The following DMD variants were observed in gnomAD, a reference collection of about 807,000 sequenced individuals.
DMD encodes the protein dystrophin.
A neutral mutation model predicts 330.1 loss-of-function variants in DMD; 63 were observed. The observed-to-expected ratio is 0.19, with a 90% CI of 0.16 to 0.24. The LOEUF (loss-of-function observed/expected upper bound fraction) is 0.24. Ranked by LOEUF, DMD falls within the 10% of genes least tolerant of loss-of-function variation. DMD has a pLI of 1.00. For missense variants in DMD, 3,344 were observed against 2,684.1 expected (o/e 1.25, Z -5.43); for synonymous variants, 1,223 against 959.8 (o/e 1.27, Z -5.07).
intron 2 of DMD, among the ~76,000 whole-genome samples, chrX:32,963,992 C>T (rs5972722): frequency 0.049 from 5,387 of 110,732 alleles, 87 homozygotes; most frequent in Middle Eastern, 0.08. Flanking sequence ...CGGTGGCTCA[C>T]GCCTGTAATC....
chrX:31,885,364 C>A, intron 47 of DMD, among the ~76,000 whole-genome samples: 2 of 110,995 alleles, frequency 1.8e-5, no homozygotes, highest in Admixed American at 1.9e-4. Context: ...AATCCCAGCA[C>A]TTTGGGGAGG....
intron 7 of DMD, among the ~76,000 whole-genome samples, chrX:32,718,833 G>A (rs892179652): frequency 3.5e-4 from 39 of 111,665 alleles, no homozygotes; most frequent in African/African-American, 1.2e-3. Context: ...AAAATATATG[G>A]CAAATGTGGA....
At chrX:32,268,631 G>A (rs2097353540) in intron 43 of DMD, among the ~76,000 whole-genome samples, 1 of 111,326 alleles carries the variant, frequency 9.0e-6, no homozygotes, top group Admixed American at 9.5e-5. Context: ...CCTTGTCTCA[G>A]GATTTGCTTA....
intron 2 of DMD, among the ~76,000 whole-genome samples, chrX:32,983,598 G>A (rs1195088757): frequency 9.8e-6 from 1 of 102,439 alleles, no homozygotes; most frequent in African/African-American, 3.5e-5. Context: ...GAGAGAAACT[G>A]AATAAAATTG....
intron 15 of DMD, among the ~76,000 whole-genome samples, chrX:32,566,138 T>A (rs2051686421): frequency 8.9e-6 from 1 of 112,195 alleles, no homozygotes; most frequent in Non-Finnish European, 1.9e-5. Flanking sequence ...AATTAAGAGC[T>A]ACCTTGAAAT....
intron 29 of DMD, among the ~76,000 whole-genome samples, chrX:32,429,503 C>G (rs1228798640): frequency 9.7e-6 from 1 of 103,250 alleles, no homozygotes; most frequent in Non-Finnish European, 2.0e-5. Flanking sequence ...CATGAGCTAC[C>G]ACGCCCGGCC....
intron 1 of DMD, among the ~76,000 whole-genome samples, chrX:33,070,351 C>T (rs764999709): frequency 9.1e-6 from 1 of 110,366 alleles, no homozygotes; most frequent in Non-Finnish European, 1.9e-5. Flanking sequence ...ATGACTTCCC[C>T]TCTGGCATTC....
At chrX:33,132,219 G>A (rs2095503555) in intron 1 of DMD, among the ~76,000 whole-genome samples, 1 of 111,985 alleles carries the variant, frequency 8.9e-6, no homozygotes, top group African/African-American at 3.3e-5. Context: ...TGTAACTAAT[G>A]GGGTCAAAAT....
intron 44 of DMD, chrX:32,206,222 T>C (rs1204465627): frequency 3.9e-6 from 2 of 512,114 alleles, no homozygotes; most frequent in Non-Finnish European, 7.1e-6. Context: ...TGCATGTGAG[T>C]GGACAGCATT....
intron 7 of DMD, among the ~76,000 whole-genome samples, chrX:32,776,255 T>A (rs2074129197): frequency 9.6e-6 from 1 of 104,216 alleles, no homozygotes; most frequent in Non-Finnish European, 2.0e-5. Context: ...AATTCCAAAC[T>A]CTCCCTCATC....
intron 44 of DMD, among the ~76,000 whole-genome samples, chrX:32,088,769 A>C (rs2096457112): frequency 9.1e-6 from 1 of 110,334 alleles, no homozygotes; most frequent in Non-Finnish European, 1.9e-5. Flanking sequence ...ATGCACAATC[A>C]CTACAAAAGT....
intron 7 of DMD, among the ~76,000 whole-genome samples, chrX:32,732,454 T>C (rs1259013859): frequency 9.1e-6 from 1 of 109,886 alleles, no homozygotes; most frequent in African/African-American, 3.3e-5. Context: ...CCAAGACACA[T>C]AATTGTCAGA....
intron 50 of DMD, among the ~76,000 whole-genome samples, chrX:31,813,119 G>A (rs2149395043): frequency 8.9e-6 from 1 of 111,754 alleles, no homozygotes; most frequent in African/African-American, 3.2e-5. Context: ...GGAGATGTGG[G>A]GTTGGGTCCA....
chrX:31,153,576 A>C (rs2037723705), intron 74 of DMD, among the ~76,000 whole-genome samples: 1 of 111,707 alleles, frequency 9.0e-6, no homozygotes. Flanking sequence ...CCACTGGATA[A>C]ATGGTAGGAG....
At chrX:31,937,098 T>G (rs1175252987) in intron 45 of DMD, among the ~76,000 whole-genome samples, 1 of 111,748 alleles carries the variant, frequency 8.9e-6, no homozygotes, top group Non-Finnish European at 1.9e-5. Context: ...TGAAAATTTT[T>G]AAATGGGATT....
intron 1 of DMD, among the ~76,000 whole-genome samples, chrX:33,302,138 C>A (rs2053674315): frequency 1.8e-5 from 2 of 110,961 alleles, no homozygotes; most frequent in Admixed American, 1.9e-4. Flanking sequence ...ACAGATATGC[C>A]AAGATTTGTT....
Position 33,157,547 on chromosome X carries a change from C to A in DMD, c.31+53735G>T, listed in dbSNP as rs1453776584. Among the ~76,000 whole-genome samples, 3 of 112,470 alleles carry A rather than the reference C, an allele frequency of 2.7e-5. No individual in the cohort carries two copies. The Admixed American group carries it at 2.8e-4, about 11-fold the overall frequency. ...CCAGTGCACGTGATAACACAATCCT[C>A]AATGAACTGACTGCTGTCAATCTCT... is the stretch of plus-strand genomic sequence containing the variant. On this transcript the variant is annotated intron_variant, in intron 1 of 78. Transcript: ENST00000357033.
chrX:31,170,376 C>A (rs1191440125), intron 73 of DMD, among the ~76,000 whole-genome samples: 1 of 110,824 alleles, frequency 9.0e-6, no homozygotes, highest in Non-Finnish European at 1.9e-5. Context: ...GAGGCAGCTA[C>A]AATCTTTCCT....
chrX:32,966,017 A>C (rs1354267792), intron 2 of DMD, among the ~76,000 whole-genome samples: 1 of 112,128 alleles, frequency 8.9e-6, no homozygotes, highest in Non-Finnish European at 1.9e-5. Flanking sequence ...AGCAACAGTG[A>C]CATTGAATCA....
Sources: allele counts gnomAD v4.1 joint callset (sites outside exome capture counted in the v4.1 genomes callset), GRCh38; gene constraint gnomAD v4.1.1; transcripts MANE v1.5; gene names NCBI Gene and HGNC (gene_info 2026-07-23, HGNC 2026-07-21).